CHM: variants seen among roughly 807,000 people sequenced by gnomAD.
CHM encodes the protein CHM Rab escort protein.
Under a neutral mutation model 49.0 loss-of-function variants are expected in CHM, and 10 were observed. The ratio of observed to expected loss-of-function variants is 0.20; its 90% CI spans 0.13 to 0.35. The LOEUF (loss-of-function observed/expected upper bound fraction) is 0.35, where lower values mean the gene tolerates loss of function less well. Ranked by LOEUF, CHM falls within the 10% of genes least tolerant of loss-of-function variation. The pLI is 1.00. For synonymous variants in CHM, 184 were observed against 167.5 expected (o/e 1.10, Z -0.76); for missense variants, 455 against 478.4 (o/e 0.95, Z 0.46).
chrX:85,879,783 CAGA>C (rs779213295), intron 12 of CHM, among the ~76,000 whole-genome samples: 1 of 110,667 alleles, frequency 9.0e-6, no homozygotes, highest in East Asian at 2.9e-4. Flanking sequence ...CTCCAAATGA[CAGA>C]AGTTCTTATG....
chrX:85,973,015 C>G (rs1194479053), intron 4 of CHM, among the ~76,000 whole-genome samples: 2 of 110,864 alleles, frequency 1.8e-5, no homozygotes, highest in African/African-American at 6.6e-5. Context: ...AAAATCAAAC[C>G]ATAGGCCGGG....
chrX:85,871,371 G>A (rs1226193368), intron 14 of CHM, among the ~76,000 whole-genome samples: 19 of 106,376 alleles, frequency 1.8e-4, no homozygotes, highest in African/African-American at 6.5e-4. Context: ...AAGTCTAGGT[G>A]ATATTCTGAG....
chrX:86,002,047 G>C (rs984341478), intron 2 of CHM, among the ~76,000 whole-genome samples: 2 of 111,330 alleles, frequency 1.8e-5, no homozygotes, highest in African/African-American at 6.5e-5. Flanking sequence ...AATCAAGCTA[G>C]CGATGAGTTT....
intron 1 of CHM, among the ~76,000 whole-genome samples, chrX:86,038,791 T>C (rs1399914556): frequency 8.9e-6 from 1 of 112,153 alleles, no homozygotes; most frequent in Non-Finnish European, 1.9e-5. Flanking sequence ...GTCATGATGC[T>C]GTCAATAATA....
At chrX:85,890,896 T>C (rs756822390) in intron 12 of CHM, among the ~76,000 whole-genome samples, 4 of 111,441 alleles carry the variant, frequency 3.6e-5, no homozygotes, top group South Asian at 7.7e-4. Context: ...TGGAGACCTG[T>C]TGAATGGCAT....
At chrX:85,907,493 A>G (rs1041510882) in intron 9 of CHM, among the ~76,000 whole-genome samples, 3 of 112,855 alleles carry the variant, frequency 2.7e-5, no homozygotes, top group Non-Finnish European at 5.6e-5. Flanking sequence ...GGAAGCATGC[A>G]GTATTAGAAT....
intron 12 of CHM, among the ~76,000 whole-genome samples, chrX:85,882,372 G>C (rs1294504497): frequency 1.8e-5 from 2 of 111,244 alleles, no homozygotes; most frequent in African/African-American, 6.5e-5. Flanking sequence ...TTTCCTAAAA[G>C]TATTACGTTT....
chrX:85,956,098 T>C, intron 8 of CHM, 55 bp downstream of exon 8: 1 of 1,017,257 alleles, frequency 9.8e-7, no homozygotes. Context: ...CTAATTTTCA[T>C]CTGTTATTCA....
intron 2 of CHM, among the ~76,000 whole-genome samples, chrX:86,015,213 C>T (rs1004874120): frequency 9.0e-6 from 1 of 110,752 alleles, no homozygotes; most frequent in Non-Finnish European, 1.9e-5. Context: ...GGGTTTTACC[C>T]GTGCTGTCCT....
intron 12 of CHM, among the ~76,000 whole-genome samples, chrX:85,891,052 A>G (rs1217551202): frequency 9.0e-6 from 1 of 111,660 alleles, no homozygotes; most frequent in Non-Finnish European, 1.9e-5. Flanking sequence ...GCCCTGCCCT[A>G]GAGATTTGTG....
chrX:85,966,526 T>C (rs1298448421), intron 4 of CHM, among the ~76,000 whole-genome samples: 5 of 110,934 alleles, frequency 4.5e-5, no homozygotes, highest in East Asian at 2.8e-4. Flanking sequence ...AGTCATAATA[T>C]GAAAGGTGAT....
intron 13 of CHM, among the ~76,000 whole-genome samples, chrX:85,876,813 T>C (rs932399396): frequency 9.0e-6 from 1 of 111,403 alleles, no homozygotes; most frequent in Admixed American, 9.6e-5. Flanking sequence ...ACTATTAAGA[T>C]TAATGTTTAA....
chrX:86,001,926 T>C (rs1287451627), intron 2 of CHM, among the ~76,000 whole-genome samples: 1 of 111,044 alleles, frequency 9.0e-6, no homozygotes, highest in Non-Finnish European at 1.9e-5. Context: ...GCCAGCCCCA[T>C]GGTGTAATGG....
intron 2 of CHM, among the ~76,000 whole-genome samples, chrX:86,018,302 G>C (rs759410102): frequency 1.8e-5 from 2 of 111,799 alleles, no homozygotes; most frequent in Non-Finnish European, 3.8e-5. Context: ...TCATTAGCCA[G>C]TAAGAAAATG....
chrX:85,969,825 G>A (rs1262007684), intron 4 of CHM: 1 of 111,913 alleles, frequency 8.9e-6, no homozygotes, highest in Non-Finnish European at 1.9e-5. Context: ...GGATGAGCCT[G>A]GAGAACATTA....
chrX:85,930,576 A>T (rs1425714644), intron 8 of CHM, among the ~76,000 whole-genome samples: 2 of 112,278 alleles, frequency 1.8e-5, no homozygotes, highest in Non-Finnish European at 3.8e-5. Context: ...GCATATAAAC[A>T]TATATACTGT....
chrX:85,941,582 G>A (rs1415864960), intron 8 of CHM, among the ~76,000 whole-genome samples: 1 of 110,394 alleles, frequency 9.1e-6, no homozygotes, highest in Non-Finnish European at 1.9e-5. Context: ...TCAATTTTTG[G>A]AAAAAAAGAC....
intron 2 of CHM, chrX:86,019,556 A>G (rs1168805134): frequency 8.9e-6 from 1 of 112,077 alleles, no homozygotes; most frequent in East Asian, 2.8e-4. Flanking sequence ...GATCAAGGAG[A>G]AAGAAACAGA....
chrX:85,916,449 A>T (rs867204723), intron 8 of CHM, among the ~76,000 whole-genome samples: 1 of 112,272 alleles, frequency 8.9e-6, no homozygotes, highest in Non-Finnish European at 1.9e-5. Context: ...CAAACATTGA[A>T]CAATGGGATC....
Sources: gnomAD v4.1 joint callset for allele counts (sites outside exome capture counted in the v4.1 genomes callset) on GRCh38, gnomAD v4.1.1 for gene constraint, MANE v1.5 for transcripts, NCBI Gene and HGNC (gene_info 2026-07-23, HGNC 2026-07-21) for gene names.